SNTB1: variants seen among roughly 807,000 people sequenced by gnomAD.
SNTB1 encodes the protein beta-1-syntrophin.
A neutral mutation model predicts 48.9 loss-of-function variants in SNTB1; 36 were observed. The ratio of observed to expected loss-of-function variants is 0.74; its 90% CI spans 0.56 to 0.97. The LOEUF (loss-of-function observed/expected upper bound fraction) is 0.97, where lower values mean the gene tolerates loss of function less well. Ranked by LOEUF, SNTB1 falls within the 50% of genes least tolerant of loss-of-function variation. SNTB1 has a pLI of 0.00. For missense variants in SNTB1, 786 were observed against 703.4 expected (o/e 1.12, Z -1.33); for synonymous variants, 299 against 294.6 (o/e 1.01, Z -0.15).
chr8:120,695,223 T>G (rs369054134), intron 1 of SNTB1, among the ~76,000 whole-genome samples: 16 of 152,198 alleles, frequency 1.1e-4, no homozygotes, highest in African/African-American at 3.4e-4. Context: ...AGGGGGCATT[T>G]CCTCCAGATC....
In SNTB1 at chr8:120,716,114, G is replaced by A. The variant is rs139382984; in HGVS notation, c.572-22206C>T. On this transcript the variant is annotated intron_variant, in intron 1 of 6. Coordinates refer to ENST00000517992, the MANE Select transcript of SNTB1 (RefSeq NM_021021.4). ...GGAAGAAACTCCAGTCTTTCATCCCGGTCGTTTTAGGGCTGAGCCCATAGT... is the reference window on the plus strand; with the variant it reads ...GGAAGAAACTCCAGTCTTTCATCCCAGTCGTTTTAGGGCTGAGCCCATAGT... Among the ~76,000 whole-genome samples the A allele has an allele frequency of 4.2e-3, 643 of 152,198 alleles. 6 individuals carry two copies. The highest frequency in any genetic ancestry group is 0.015 in the African/African-American group (606 of 41,526).
At chr8:120,542,250 A>T (rs1402127995) in intron 5 of SNTB1, 3 of 409,970 alleles carry the variant, frequency 7.3e-6, no homozygotes, top group East Asian at 4.5e-5. Context: ...ACTGAATGTT[A>T]TCTGGGTTCT....
At chr8:120,755,123 T>C (rs538143432) in intron 1 of SNTB1, among the ~76,000 whole-genome samples, 4 of 150,334 alleles carry the variant, frequency 2.7e-5, no homozygotes, top group Admixed American at 6.7e-5. Context: ...AAATGTTGAG[T>C]CTAAGCTATG....
intron 2 of SNTB1, among the ~76,000 whole-genome samples, chr8:120,680,257 AT>A (rs2129815514): frequency 6.6e-6 from 1 of 152,322 alleles, no homozygotes; most frequent in East Asian, 1.9e-4. Flanking sequence ...ACTTGTAGAT[AT>A]TCCCTACCTA....
chr8:120,714,369 G>A (rs1227283995), intron 1 of SNTB1, among the ~76,000 whole-genome samples: 3 of 152,178 alleles, frequency 2.0e-5, no homozygotes, highest in Non-Finnish European at 2.9e-5. Context: ...AAGAGAACTT[G>A]AGGCTGGCCC....
At chr8:120,662,365 G>A (rs759120283) in intron 2 of SNTB1, among the ~76,000 whole-genome samples, 2 of 152,214 alleles carry the variant, frequency 1.3e-5, no homozygotes, top group African/African-American at 4.8e-5. Context: ...TGCCAGACAA[G>A]TTGGGAAGAA....
chr8:120,682,758 CATAG>C (rs1420492367), intron 2 of SNTB1, among the ~76,000 whole-genome samples: 2 of 151,558 alleles, frequency 1.3e-5, no homozygotes, highest in African/African-American at 2.4e-5. Context: ...TAGGTAGATA[CATAG>C]ATAGCTGAAA....
In SNTB1 at chr8:120,811,919, C is replaced by G. The variant is rs905638724; in HGVS notation, c.-76G>C. 1.7e-5 allele frequency: 21 copies of G among 1,225,630 alleles called. No individual in the cohort carries two copies. Among genetic ancestry groups the G allele is most frequent in the African/African-American group, 4.8e-5 (3 of 63,110 alleles). 75.9% of individuals were successfully genotyped at this position (1,225,630 alleles called of 1,614,324 possible). On this transcript the variant is annotated 5_prime_UTR_variant, in exon 1 of 7. Transcript: ENST00000517992. ...GGGAAGGGTGGCCGGGGGGAGGACG[C>G]GGGGCCCGGGGGAGCGAGGAGAGTG...
At chr8:120,654,279 T>C (rs1275743669) in intron 2 of SNTB1, among the ~76,000 whole-genome samples, 2 of 151,908 alleles carry the variant, frequency 1.3e-5, no homozygotes, top group African/African-American at 2.4e-5. Context: ...GAGCCCTACA[T>C]TTCTGGAACT....
chr8:120,635,688 G>C (rs1471559307), intron 2 of SNTB1: 1 of 180,410 alleles, frequency 5.5e-6, no homozygotes, highest in East Asian at 1.8e-4. Context: ...GTCACTTTCA[G>C]AGTCAGCCTC....
chr8:120,646,288 A>G (rs1469239397), intron 2 of SNTB1, among the ~76,000 whole-genome samples: 2 of 119,286 alleles, frequency 1.7e-5, no homozygotes, highest in African/African-American at 6.0e-5. Context: ...TCAGTATGAT[A>G]TTGGCTGTGG....
chr8:120,761,841 T>G lies in SNTB1; in HGVS notation c.571+49432A>C, dbSNP rs188050059. Among the ~76,000 whole-genome samples the G allele has an allele frequency of 4.6e-5, 7 of 152,330 alleles. No homozygotes were observed. The East Asian group carries it at 1.3e-3, about 29-fold the overall frequency. On this transcript the variant is annotated intron_variant, in intron 1 of 6. Coordinates refer to ENST00000517992, the MANE Select transcript of SNTB1 (RefSeq NM_021021.4). ...ATACTTGATGGGGCACCCAGAGACT[T>G]TTAATAGAAGTATTTCTTTTTTATT... is the stretch of plus-strand genomic sequence containing the variant.
chr8:120,538,989 G>C lies in SNTB1; in HGVS notation c.1525-20C>G, dbSNP rs1243172925. 1.9e-6 allele frequency: 3 copies of C among 1,578,246 alleles called. No individual in the cohort carries two copies. The highest frequency in any genetic ancestry group is 2.7e-5 in the African/African-American group (2 of 73,390). On this transcript the variant is annotated intron_variant, in intron 6 of 6. Transcript: ENST00000517992. Reference sequence around the variant, plus strand: ...CAGTTGCTGAAATTTAAAAAGAAGAGAGCATGAGCGATTTTAAATTAATGC... The same window carrying C: ...CAGTTGCTGAAATTTAAAAAGAAGACAGCATGAGCGATTTTAAATTAATGC...
At chr8:120,613,039 C>T (rs1005804612) in intron 3 of SNTB1, among the ~76,000 whole-genome samples, 1 of 152,086 alleles carries the variant, frequency 6.6e-6, no homozygotes, top group Non-Finnish European at 1.5e-5. Context: ...TTTTCTCACT[C>T]TTATGTGGGA....
chr8:120,811,273 C>G lies in SNTB1; in HGVS notation c.571G>C (p.Val191Leu). 6.3e-7 allele frequency: 1 copy of G among 1,594,378 alleles called. No individual in the cohort carries two copies. Among genetic ancestry groups the G allele is most frequent in the South Asian group, 1.1e-5 (1 of 89,674 alleles). Residue 191 changes from valine to leucine, a missense_variant and splice_region_variant, in exon 1 of 7, where the codon GTG becomes CTG. Coordinates refer to ENST00000517992, the MANE Select transcript of SNTB1 (RefSeq NM_021021.4). ...GGCCCGCGCGCTGTTAACCCCTTAC[C>G]TTCCAGCAGCACTTCCTTGCCCGCG... ...KRAGKEVLLE[V>L]KYMREATPYV...
chr8:120,716,858 G>A (rs1368329001), intron 1 of SNTB1, among the ~76,000 whole-genome samples: 1 of 152,108 alleles, frequency 6.6e-6, no homozygotes, highest in South Asian at 2.1e-4. Context: ...ATTCACATGA[G>A]GGCAAAGGCT....
intron 1 of SNTB1, among the ~76,000 whole-genome samples, chr8:120,731,591 A>G (rs1170577383): frequency 1.3e-5 from 2 of 152,230 alleles, no homozygotes; most frequent in Non-Finnish European, 2.9e-5. Context: ...CCTTGCCCAG[A>G]GTCATAGGAA....
At chr8:120,616,136 C>CACTTG (rs1816710003) in intron 3 of SNTB1, among the ~76,000 whole-genome samples, 1 of 152,122 alleles carries the variant, frequency 6.6e-6, no homozygotes, top group African/African-American at 2.4e-5. Context: ...CTCACATCTC[C>CACTTG]AAGTCGGTAA....
intron 1 of SNTB1, among the ~76,000 whole-genome samples, chr8:120,772,834 A>C (rs1819662735): frequency 6.6e-6 from 1 of 152,164 alleles, no homozygotes; most frequent in South Asian, 2.1e-4. Context: ...TGGAGAGAAC[A>C]GAAAGAGAAG....
Sources: allele counts gnomAD v4.1 joint callset (sites outside exome capture counted in the v4.1 genomes callset), GRCh38; gene constraint gnomAD v4.1.1; transcripts MANE v1.5; gene names NCBI Gene and HGNC (gene_info 2026-07-23, HGNC 2026-07-21).